DNAH12: variants seen among roughly 807,000 people sequenced by gnomAD.
DNAH12 encodes the protein dynein axonemal heavy chain 12.
DNAH12 carries 285 observed loss-of-function variants against 371.5 expected under a neutral mutation model. The ratio of observed to expected loss-of-function variants is 0.77; its 90% CI spans 0.70 to 0.85. The LOEUF (loss-of-function observed/expected upper bound fraction) is 0.85, where lower values mean the gene tolerates loss of function less well. Among genes scored for constraint, DNAH12 ranks in the 40% least tolerant of loss-of-function variants. DNAH12 has a pLI of 0.00. For missense variants in DNAH12, 3,611 were observed against 3,689.4 expected (o/e 0.98, Z 0.55); for synonymous variants, 1,200 against 1,213.0 (o/e 0.99, Z 0.22).
chr3:57,307,394 T>G (rs2061494652), intron 69 of DNAH12, among the ~76,000 whole-genome samples: 1 of 152,142 alleles, frequency 6.6e-6, no homozygotes, highest in African/African-American at 2.4e-5. Flanking sequence ...CCAACCCTTT[T>G]CATTACCCAC....
chr3:57,301,707 CACACACACACACACACACACAT>C lies in DNAH12; in HGVS notation c.11394+6_11394+27del. The C allele has an allele frequency of 6.6e-7, 1 of 1,520,976 alleles. No homozygotes were observed. The highest frequency in any genetic ancestry group is 8.9e-7 in the Non-Finnish European group (1 of 1,120,448). 94.2% of individuals were successfully genotyped at this position (1,520,976 alleles called of 1,614,324 possible). A position where few individuals can be genotyped will look rare whatever the true frequency, so the allele number is the denominator to read the frequency against. On this transcript the variant is annotated splice_donor_region_variant and intron_variant, in intron 70 of 73. Coordinates refer to ENST00000495027, the MANE Select transcript of DNAH12 (RefSeq NM_001366028.2). ...ACACACACACACACACACACACACA[CACACACACACACACACACACAT>C]TTTACCTGTAAAAAGTTCAACCGGG...
At chr3:57,309,513 G>A (rs2061542868) in intron 68 of DNAH12, among the ~76,000 whole-genome samples, 153 bp downstream of exon 68, 1 of 152,180 alleles carries the variant, frequency 6.6e-6, no homozygotes, top group Non-Finnish European at 1.5e-5. Flanking sequence ...AAAATTGGTA[G>A]TATTATCACC....
At chr3:57,322,213 G>C in intron 65 of DNAH12, 130 bp downstream of exon 65, 2 of 1,036,888 alleles carry the variant, frequency 1.9e-6, no homozygotes, top group Non-Finnish European at 2.6e-6. Context: ...TTTTTGTCTT[G>C]TTAGGAAATG....
intron 13 of DNAH12, among the ~76,000 whole-genome samples, chr3:57,479,829 A>C (rs1278310164): frequency 3.3e-5 from 5 of 152,228 alleles, no homozygotes; most frequent in African/African-American, 1.2e-4. Context: ...CTACTGGTAC[A>C]TAACGAAATG....
At chr3:57,503,397 T>C (rs983928737) in intron 9 of DNAH12, among the ~76,000 whole-genome samples, 5 of 151,610 alleles carry the variant, frequency 3.3e-5, no homozygotes, top group Non-Finnish European at 7.4e-5. Flanking sequence ...ATTATTGGTT[T>C]TTTTTTTTTT....
At chr3:57,492,286 C>T (rs528368430) in intron 11 of DNAH12, among the ~76,000 whole-genome samples, 2 of 152,042 alleles carry the variant, frequency 1.3e-5, no homozygotes, top group Non-Finnish European at 2.9e-5. Context: ...CATGGAGCAA[C>T]CGTGTCTCTA....
At position 57,446,648 on chromosome 3, in the gene DNAH12, C is replaced by T. The variant is rs1449433824; in HGVS notation, c.3828G>A (p.Gly1276=). ...TTTCGGTTTTTCCTGTGCCTGCTGGCCCCTCTGGAGCACCTCCAAGGTTTA... is the reference window on the plus strand; with the variant it reads ...TTTCGGTTTTTCCTGTGCCTGCTGGTCCCTCTGGAGCACCTCCAAGGTTTA... ...FYLNLGGAPE[G]PAGTGKTETT... Residue 1276 remains glycine (G), a synonymous_variant, in exon 26 of 74, where the codon GGG becomes GGA. Transcript: ENST00000495027. 1 of 1,548,466 alleles carries T rather than the reference C, an allele frequency of 6.5e-7. No individual in the cohort carries two copies. The highest frequency in any genetic ancestry group is 1.2e-5 in the South Asian group (1 of 83,334).
At chr3:57,340,036 A>T (rs2062354872) in intron 60 of DNAH12, among the ~76,000 whole-genome samples, 1 of 151,632 alleles carries the variant, frequency 6.6e-6, no homozygotes, top group Non-Finnish European at 1.5e-5. Context: ...ATACCACTGC[A>T]CTCCAGCATG....
At chr3:57,355,900 A>T (rs2062785994) in intron 59 of DNAH12, among the ~76,000 whole-genome samples, 1 of 152,230 alleles carries the variant, frequency 6.6e-6, no homozygotes, top group East Asian at 1.9e-4. Flanking sequence ...AGTAAATACC[A>T]GACATTGTTA....
chr3:57,305,047 G>A (rs796259858), intron 69 of DNAH12, among the ~76,000 whole-genome samples: 83 of 152,110 alleles, frequency 5.5e-4, no homozygotes, highest in Middle Eastern at 3.4e-3. Flanking sequence ...CTGCAATGCC[G>A]CTTGACCCCA....
intron 29 of DNAH12, 89 bp downstream of exon 29, chr3:57,444,608 A>G: frequency 6.6e-7 from 1 of 1,506,714 alleles, no homozygotes; most frequent in East Asian, 2.5e-5. Flanking sequence ...AAAACAGAAT[A>G]ATTTCACACA....
At chr3:57,547,119 C>A (rs2069586420), upstream of DNAH12, among the ~76,000 whole-genome samples, 1 of 151,976 alleles carries the variant, frequency 6.6e-6, no homozygotes, top group Non-Finnish European at 1.5e-5. Flanking sequence ...CCCTACAGAC[C>A]ATGGACTTGG....
intron 45 of DNAH12, among the ~76,000 whole-genome samples, chr3:57,388,222 C>A (rs1455941771): frequency 4.6e-5 from 7 of 152,122 alleles, no homozygotes; most frequent in Non-Finnish European, 1.0e-4. Flanking sequence ...GCTGTCACTT[C>A]CTTCACATCC....
intron 27 of DNAH12, among the ~76,000 whole-genome samples, chr3:57,445,736 C>T (rs1021876227): frequency 6.6e-6 from 1 of 151,938 alleles, no homozygotes. Context: ...TGCCTGTAAT[C>T]CCAGCACTTT....
intron 43 of DNAH12, chr3:57,402,310 CT>C (rs11429401): frequency 4.8e-3 from 4,453 of 921,364 alleles, no homozygotes; most frequent in South Asian, 5.3e-3. Flanking sequence ...CAATTTCTCC[CT>C]TTTTTTTTTC....
At chr3:57,417,096 C>T (rs951179506) in intron 37 of DNAH12, among the ~76,000 whole-genome samples, 2 of 151,912 alleles carry the variant, frequency 1.3e-5, no homozygotes, top group Non-Finnish European at 2.9e-5. Context: ...ATTAAAAATA[C>T]AAAATTAACT....
At chr3:57,540,770 A>G (rs1480249156) in intron 2 of DNAH12, among the ~76,000 whole-genome samples, 1 of 151,924 alleles carries the variant, frequency 6.6e-6, no homozygotes, top group Non-Finnish European at 1.5e-5. Flanking sequence ...TCTCTTCAAA[A>G]ATACAAAAAA....
chr3:57,421,478 T>C, intron 36 of DNAH12, 40 bp downstream of exon 36: 1 of 1,543,178 alleles, frequency 6.5e-7, no homozygotes, highest in Non-Finnish European at 8.8e-7. Flanking sequence ...GCCTAAGCCT[T>C]TGTGTTTTAT....
In DNAH12 at chr3:57,510,971, A is replaced by G; in HGVS notation, c.288T>C (p.Tyr96=). The G allele has an allele frequency of 6.3e-7, 1 of 1,594,042 alleles. No homozygotes were observed. ...TSEMKKKGFN[Y]IYMKQCVESS... ...TTTCTACACATTGCTTCATATAAATATAGTTGAACTGAGAACATAAGAAAA... is the reference window on the plus strand; with the variant it reads ...TTTCTACACATTGCTTCATATAAATGTAGTTGAACTGAGAACATAAGAAAA... The change falls in exon 5 of 74, where the codon TAT becomes TAC. Residue 96 remains tyrosine (Y), a synonymous_variant. Coordinates refer to ENST00000495027, the MANE Select transcript of DNAH12 (RefSeq NM_001366028.2).
Sources: gnomAD v4.1 joint callset for allele counts (sites outside exome capture counted in the v4.1 genomes callset) on GRCh38, gnomAD v4.1.1 for gene constraint, MANE v1.5 for transcripts, NCBI Gene and HGNC (gene_info 2026-07-23, HGNC 2026-07-21) for gene names.